Variants in BLTP1 observed in about 807,000 individuals in gnomAD.
The protein encoded by BLTP1 is bridge-like lipid transfer protein family member 1.
the BLTP1 span, among the ~76,000 whole-genome samples, chr4:122,319,582 C>T: frequency 6.8e-6 from 1 of 147,604 alleles, no homozygotes; most frequent in Non-Finnish European, 1.5e-5. Context: ...CGCTCTGTTG[C>T]CCAGATTGGA....
At chr4:122,214,593 ATTT>A in the BLTP1 span, 18 of 343,594 alleles carry the variant, frequency 5.2e-5, no homozygotes, top group East Asian at 3.1e-4. Flanking sequence ...TTTGGTAACT[ATTT>A]TTTTTTTTTT....
the BLTP1 span, chr4:122,243,147 CTTTA>C: frequency 2.1e-5 from 28 of 1,363,936 alleles, no homozygotes; most frequent in East Asian, 4.6e-5. Flanking sequence ...AATAATCATT[CTTTA>C]TTTGAGTATG....
the BLTP1 span, among the ~76,000 whole-genome samples, chr4:122,162,993 A>T: frequency 1.4e-4 from 22 of 152,306 alleles, no homozygotes; most frequent in Middle Eastern, 3.4e-3. Context: ...AGTCTTATGT[A>T]TTAAATATTG....
the BLTP1 span, chr4:122,172,979 G>A: frequency 6.3e-7 from 1 of 1,593,380 alleles, no homozygotes; most frequent in Admixed American, 1.8e-5. Context: ...ATTGTAAGAG[G>A]ACACATTACT....
At chr4:122,230,292 G>C in the BLTP1 span, 1 of 1,150,598 alleles carries the variant, frequency 8.7e-7, no homozygotes, top group South Asian at 1.4e-5. Context: ...ATTCTACTGA[G>C]AGAATGGACT....
chr4:122,254,977 G>A, the BLTP1 span: 1 of 1,533,772 alleles, frequency 6.5e-7, no homozygotes, highest in Non-Finnish European at 8.9e-7. Flanking sequence ...AATAATACAA[G>A]GTATTATACA....
chr4:122,239,475 T>C, the BLTP1 span: 1 of 1,426,696 alleles, frequency 7.0e-7, no homozygotes, highest in Non-Finnish European at 9.5e-7. Context: ...TTAAATTTTA[T>C]GATGTATAGA....
At chr4:122,156,889 AGATGAT>A in the BLTP1 span, among the ~76,000 whole-genome samples, 1 of 152,142 alleles carries the variant, frequency 6.6e-6, no homozygotes, top group Admixed American at 6.5e-5. Context: ...GGAAGGAAGG[AGATGAT>A]GATGATGATA....
the BLTP1 span, chr4:122,207,215 C>G: frequency 1.2e-6 from 2 of 1,611,848 alleles, no homozygotes; most frequent in Non-Finnish European, 1.7e-6. Flanking sequence ...ATGATTTGGG[C>G]TGCTAATCAA....
chr4:122,247,327 C>A, the BLTP1 span: 1 of 1,613,306 alleles, frequency 6.2e-7, no homozygotes, highest in Non-Finnish European at 8.5e-7. Flanking sequence ...TCATCGAGTT[C>A]ATGGGCAACT....
chr4:122,215,027 G>T, the BLTP1 span, among the ~76,000 whole-genome samples: 1 of 152,090 alleles, frequency 6.6e-6, no homozygotes, highest in Non-Finnish European at 1.5e-5. Flanking sequence ...TCTTAAAGGA[G>T]TTATAATTTT....
At chr4:122,159,782 A>T in the BLTP1 span, among the ~76,000 whole-genome samples, 68 of 152,334 alleles carry the variant, frequency 4.5e-4, no homozygotes, top group African/African-American at 1.3e-3. Context: ...TATAAAAGGG[A>T]TGAAGCCAGC....
chr4:122,220,636 A>C, the BLTP1 span, among the ~76,000 whole-genome samples: 1 of 152,146 alleles, frequency 6.6e-6, no homozygotes, highest in South Asian at 2.1e-4. Context: ...TGTGTATGAG[A>C]GTTGTTTCAA....
the BLTP1 span, chr4:122,334,648 G>C: frequency 8.6e-7 from 1 of 1,157,002 alleles, no homozygotes; most frequent in Non-Finnish European, 1.2e-6. Context: ...TAAGAAAAAA[G>C]GACATACATT....
chr4:122,215,354 A>G, the BLTP1 span: 1 of 975,584 alleles, frequency 1.0e-6, no homozygotes, highest in Non-Finnish European at 1.2e-6. Context: ...ACTACAAGGG[A>G]ATTTTTAAAA....
At chr4:122,360,135 C>A in the BLTP1 span, 2 of 758,576 alleles carry the variant, frequency 2.6e-6, no homozygotes, top group Non-Finnish European at 3.2e-6. Flanking sequence ...TAATTTCTTG[C>A]TGTATATATG....
the BLTP1 span, chr4:122,184,793 A>G: frequency 9.1e-6 from 9 of 985,278 alleles, no homozygotes; most frequent in Non-Finnish European, 1.1e-5. Flanking sequence ...CAAAATGCCC[A>G]TTTCATACTC....
the BLTP1 span, among the ~76,000 whole-genome samples, chr4:122,231,284 T>C: frequency 6.6e-6 from 1 of 152,218 alleles, no homozygotes; most frequent in African/African-American, 2.4e-5. Context: ...AGCTAGTCCC[T>C]GTCACCCTGC....
the BLTP1 span, among the ~76,000 whole-genome samples, chr4:122,171,230 CT>C: frequency 1.3e-5 from 2 of 151,818 alleles, no homozygotes; most frequent in African/African-American, 2.4e-5. Context: ...TAGAAGTTTT[CT>C]AGGTATATAG....
Sources: allele counts gnomAD v4.1 joint callset (sites outside exome capture counted in the v4.1 genomes callset), GRCh38; gene constraint gnomAD v4.1.1; transcripts MANE v1.5; gene names NCBI Gene and HGNC (gene_info 2026-07-23, HGNC 2026-07-21).